The following SLC2A9 variants were observed in gnomAD, a reference collection of about 807,000 sequenced individuals.
The protein encoded by SLC2A9 is solute carrier family 2, facilitated glucose transporter member 9.
In SLC2A9, 39 loss-of-function variants were observed where a neutral mutation model predicts 50.6. The ratio of observed to expected loss-of-function variants is 0.77; its 90% CI spans 0.60 to 1.01. The LOEUF is 1.01. Ranked by LOEUF, SLC2A9 falls within the 50% of genes least tolerant of loss-of-function variation. The pLI is 0.00. For synonymous variants in SLC2A9, 324 were observed against 276.9 expected (o/e 1.17, Z -1.69); for missense variants, 686 against 677.6 (o/e 1.01, Z -0.14).
At chr4:9,886,411 C>A (rs1236433932) in intron 10 of SLC2A9, among the ~76,000 whole-genome samples, 1 of 147,646 alleles carries the variant, frequency 6.8e-6, no homozygotes, top group Non-Finnish European at 1.5e-5. Context: ...CCGTTCTGAC[C>A]ACCCTCATAG....
chr4:10,012,349 G>C (rs1055843827), intron 2 of SLC2A9, among the ~76,000 whole-genome samples: 1 of 152,198 alleles, frequency 6.6e-6, no homozygotes, highest in Non-Finnish European at 1.5e-5. Context: ...TGAGAGTGAA[G>C]AGACCTAAGG....
At chr4:9,985,608 C>G in intron 4 of SLC2A9, 61 bp downstream of exon 4, 1 of 1,608,414 alleles carries the variant, frequency 6.2e-7, no homozygotes, top group Non-Finnish European at 8.5e-7. Context: ...ACACTTCTCA[C>G]ATTTTGGGAC....
intron 5 of SLC2A9, among the ~76,000 whole-genome samples, chr4:9,949,154 T>C (rs1749743494): frequency 6.6e-6 from 1 of 152,226 alleles, no homozygotes; most frequent in South Asian, 2.1e-4. Flanking sequence ...TTATTCTGCA[T>C]AGCAATGTGC....
At chr4:9,940,787 T>G (rs965131178) in intron 6 of SLC2A9, among the ~76,000 whole-genome samples, 3 of 152,264 alleles carry the variant, frequency 2.0e-5, no homozygotes, top group African/African-American at 4.8e-5. Context: ...TTATGCCATT[T>G]GTTAACTCAG....
Position 9,895,349 on chromosome 4 carries a change from C to G in SLC2A9, c.1114-4638G>C, listed in dbSNP as rs1042685277. On this transcript the variant is annotated intron_variant, in intron 8 of 11. Coordinates refer to ENST00000264784, the MANE Select transcript of SLC2A9 (RefSeq NM_020041.3). ...CCCTCCCATCTGACAATCAGTCTCC[C>G]GGCTCTGTTCTTCTTCCCTCCCTCC... 2.6e-5 allele frequency among the ~76,000 whole-genome samples: 4 copies of G among 152,210 alleles called. No homozygotes were observed. In the East Asian group the frequency reaches 7.7e-4, roughly 29 times the overall value.
chr4:9,792,398 G>C (rs910118532), intron 3 of SLC2A9, among the ~76,000 whole-genome samples: 12 of 151,108 alleles, frequency 7.9e-5, no homozygotes, highest in Admixed American at 6.6e-4. Context: ...ACGTCACCCA[G>C]GTTGGTCTCA....
chr4:9,996,762 G>A lies in SLC2A9; in HGVS notation c.410+19C>T. ...TGAACATGGAGGGCACCCCCAGATA[G>A]AGACAGCCTCCTACTGACCTCCCAA... is the stretch of plus-strand genomic sequence containing the variant. On this transcript the variant is annotated intron_variant, in intron 3 of 11. Transcript: ENST00000264784. The A allele has an allele frequency of 6.2e-7, 1 of 1,612,748 alleles. No homozygotes were observed. The highest frequency in any genetic ancestry group is 2.2e-5 in the East Asian group (1 of 44,826).
At chr4:9,781,572 C>A (rs1385397348) in intron 3 of SLC2A9, 1 of 151,672 alleles carries the variant, frequency 6.6e-6, no homozygotes, top group African/African-American at 2.4e-5. Context: ...GGGAGTCGAG[C>A]GCGGAGGCTC....
At position 9,966,047 on chromosome 4, in the gene SLC2A9, A is replaced by C. The variant is rs540606201; in HGVS notation, c.681+14545T>G. ...GGTTACTTGTTACAGCATCAACAGG[A>C]AACAAATATACTTATAAGAAATTCT... On this transcript the variant is annotated intron_variant, in intron 5 of 11. Transcript: ENST00000264784. 3.3e-5 allele frequency among the ~76,000 whole-genome samples: 5 copies of C among 152,332 alleles called. No homozygotes were observed. The South Asian group carries it at 6.2e-4, about 19-fold the overall frequency.
At chr4:9,793,156 A>T (rs1298991192) in intron 3 of SLC2A9, among the ~76,000 whole-genome samples, 1 of 152,246 alleles carries the variant, frequency 6.6e-6, no homozygotes, top group East Asian at 1.9e-4. Flanking sequence ...TTGCAGCCTG[A>T]ACAGAAACGG....
intron 10 of SLC2A9, among the ~76,000 whole-genome samples, chr4:9,850,103 A>C (rs1300769402): frequency 2.6e-5 from 4 of 151,842 alleles, no homozygotes; most frequent in African/African-American, 9.7e-5. Context: ...GAAGCAGGGA[A>C]GTCTGGGAAC....
intron 1 of SLC2A9, among the ~76,000 whole-genome samples, chr4:10,037,238 C>T (rs1416386023): frequency 6.6e-6 from 1 of 152,156 alleles, no homozygotes; most frequent in Non-Finnish European, 1.5e-5. Flanking sequence ...CAAAATGAGA[C>T]CTCAGCCCCT....
At chr4:9,851,830 TGAA>T (rs1729980173) in intron 10 of SLC2A9, among the ~76,000 whole-genome samples, 1 of 152,084 alleles carries the variant, frequency 6.6e-6, no homozygotes, top group East Asian at 1.9e-4. Context: ...TCTCAGAGCT[TGAA>T]GACTGGTTCT....
intron 3 of SLC2A9, among the ~76,000 whole-genome samples, chr4:9,790,807 C>A (rs990723143): frequency 3.3e-5 from 5 of 152,168 alleles, no homozygotes; most frequent in Admixed American, 6.5e-5. Flanking sequence ...TATATAGCCA[C>A]AATCGAAAAA....
intron 10 of SLC2A9, among the ~76,000 whole-genome samples, chr4:9,839,376 A>G (rs557843324): frequency 2.6e-5 from 4 of 152,276 alleles, no homozygotes; most frequent in African/African-American, 7.2e-5. Context: ...ACATTTATAC[A>G]CTGTTCGTGG....
At chr4:10,022,873 G>T (rs991662931), upstream of SLC2A9, among the ~76,000 whole-genome samples, 1 of 152,158 alleles carries the variant, frequency 6.6e-6, no homozygotes, top group Admixed American at 6.5e-5. Flanking sequence ...CCACCCTCAG[G>T]AGTTAGGTTG....
chr4:9,879,391 T>A, intron 10 of SLC2A9: 1 of 984,876 alleles, frequency 1.0e-6, no homozygotes, highest in Non-Finnish European at 1.2e-6. Flanking sequence ...TATGTGTGTG[T>A]GTGTGTGTGT....
At chr4:9,855,480 T>C (rs1459660494) in intron 10 of SLC2A9, among the ~76,000 whole-genome samples, 1 of 152,014 alleles carries the variant, frequency 6.6e-6, no homozygotes, top group African/African-American at 2.4e-5. Flanking sequence ...CACAAACAAA[T>C]AGAAAAACAT....
rs1010207089 is a variant in SLC2A9 at position 10,019,079 on chromosome 4, G to C, written c.151-6C>G. 4 of 1,551,002 alleles carry C rather than the reference G, an allele frequency of 2.6e-6. No homozygotes were observed. The highest frequency in any genetic ancestry group is 2.0e-5 in the Admixed American group (1 of 50,998). On this transcript the variant is annotated splice_polypyrimidine_tract_variant and splice_region_variant and intron_variant, in intron 1 of 11. Transcript: ENST00000264784. ...AGGAGCGAGCAGGACCAGTCCTGAG[G>C]GGAGAGGAAACCACGTCAGAGCCGG...
Sources: allele counts gnomAD v4.1 joint callset (sites outside exome capture counted in the v4.1 genomes callset), GRCh38; gene constraint gnomAD v4.1.1; transcripts MANE v1.5; gene names NCBI Gene and HGNC (gene_info 2026-07-23, HGNC 2026-07-21).